Variants in LONRF2 observed in about 807,000 individuals in gnomAD.
LONRF2 encodes LON peptidase N-terminal domain and RING finger protein 2.
In LONRF2, 35 loss-of-function variants were observed where a neutral mutation model predicts 66.6. That is an observed-to-expected ratio of 0.53 (90% CI 0.40 to 0.70). The LOEUF is 0.70. LONRF2 is among the 30% of genes least tolerant of loss of function. The pLI, the probability that LONRF2 is intolerant of heterozygous loss-of-function variation, is 0.00. For synonymous variants in LONRF2, 417 were observed against 418.1 expected, an observed-to-expected ratio of 1.00 and a Z score of 0.03; for missense variants, 902 against 1,002.1, an observed-to-expected ratio of 0.90 and a Z score of 1.35.
At chr2:100,317,532 A>G (rs1004089377) in intron 1 of LONRF2, among the ~76,000 whole-genome samples, 10 of 152,148 alleles carry the variant, frequency 6.6e-5, no homozygotes, top group African/African-American at 2.4e-4. Context: ...ATTGTCTCAT[A>G]TTGTTACACC....
rs1373790603 is a variant in LONRF2, at chr2:100,279,050, C to G, written c.*5248G>C. ...CCCCCTATCAGTCAACTCCTCAACC[C>G]CTGGGGGAGGAGCACCCACCCCCGG... is the stretch of plus-strand genomic sequence containing the variant. On this transcript the variant is annotated 3_prime_UTR_variant, in exon 12 of 12. Coordinates refer to ENST00000393437, the MANE Select transcript of LONRF2 (RefSeq NM_198461.4). 1 of 152,058 alleles carries G rather than the reference C, an allele frequency of 6.6e-6. No homozygotes were observed. Among genetic ancestry groups the G allele is most frequent in the African/African-American group, 2.4e-5 (1 of 41,340 alleles). 9.4% of individuals were successfully genotyped at this position (152,058 alleles called of 1,614,324 possible).
At position 100,278,936 on chromosome 2, in the gene LONRF2, A is replaced by G. The variant is rs1195497780; in HGVS notation, c.*5362T>C. Reference sequence around the variant, plus strand: ...CCGAAACATGGCCCCCTACACTCCCATGTCTAAATGGAAACTCTGGTAGAA... The same window carrying G: ...CCGAAACATGGCCCCCTACACTCCCGTGTCTAAATGGAAACTCTGGTAGAA... On this transcript the variant is annotated 3_prime_UTR_variant, in exon 12 of 12. Coordinates refer to ENST00000393437, the MANE Select transcript of LONRF2 (RefSeq NM_198461.4). The G allele has an allele frequency of 6.6e-6, 1 of 152,022 alleles. No individual in the cohort carries two copies. The highest frequency in any genetic ancestry group is 6.5e-5 in the Admixed American group (1 of 15,274). The allele number at this position is 152,022 out of a possible 1,614,324, so 9.4% of individuals were successfully genotyped here.
At chr2:100,308,002 A>G (rs1327683699) in intron 2 of LONRF2, among the ~76,000 whole-genome samples, 1 of 152,202 alleles carries the variant, frequency 6.6e-6, no homozygotes, top group Non-Finnish European at 1.5e-5. Flanking sequence ...TCCAACAAAC[A>G]TCTGCTTCCA....
chr2:100,290,884 G>A (rs1033941145), intron 9 of LONRF2, among the ~76,000 whole-genome samples: 2 of 152,140 alleles, frequency 1.3e-5, no homozygotes, highest in Admixed American at 1.3e-4. Flanking sequence ...CACGTGCCAA[G>A]CAACACACGG....
intron 1 of LONRF2, among the ~76,000 whole-genome samples, chr2:100,318,510 A>T (rs1031774294): frequency 2.0e-5 from 3 of 152,278 alleles, no homozygotes; most frequent in Admixed American, 6.5e-5. Context: ...TGACTACCAC[A>T]CTTCGCTAAG....
chr2:100,302,086 A>G (rs1274232081), intron 3 of LONRF2, among the ~76,000 whole-genome samples: 1 of 152,228 alleles, frequency 6.6e-6, no homozygotes, highest in Non-Finnish European at 1.5e-5. Flanking sequence ...CCCTAATGTG[A>G]ACACAAGTGA....
chr2:100,294,441 G>T, intron 8 of LONRF2, 54 bp from the exon 9 acceptor site: 2 of 1,474,816 alleles, frequency 1.4e-6, no homozygotes, highest in Middle Eastern at 2.5e-4. Context: ...AGATCAGAGG[G>T]TGGTACTGGC....
chr2:100,300,820 AT>A, intron 3 of LONRF2, 33 bp from the exon 4 acceptor site: 1 of 1,499,006 alleles, frequency 6.7e-7, no homozygotes, highest in Non-Finnish European at 8.9e-7. Flanking sequence ...AAAAATATAT[AT>A]TTTAAAACAC....
chr2:100,321,901 C>G lies in LONRF2; in HGVS notation c.193G>C (p.Gly65Arg). 1 of 1,288,272 alleles carries G rather than the reference C, an allele frequency of 7.8e-7. No individual in the cohort carries two copies. The allele number at this position is 1,288,272 out of a possible 1,614,324, so 79.8% of individuals were successfully genotyped here. A position where few individuals can be genotyped will look rare whatever the true frequency, so the allele number is the denominator to read the frequency against. ...QPDRGLCLRL[G>R]DALARAGRLP... ...CGGCCGGCGCGGGCCAGCGCGTCCC[C>G]CAGCCTCAGGCACAGGCCGCGGTCC... The change falls in exon 1 of 12, where the codon GGG becomes CGG. Residue 65 changes from glycine to arginine, a missense_variant. Around this residue, in one of 2 missense-constraint regions of LONRF2, gnomAD observed 585 missense variants for 569.9 expected, o/e 1.03. Transcript: ENST00000393437.
At chr2:100,289,331 C>T (rs1674909676) in intron 10 of LONRF2, among the ~76,000 whole-genome samples, 1 of 151,574 alleles carries the variant, frequency 6.6e-6, no homozygotes, top group Non-Finnish European at 1.5e-5. Context: ...CGGCCCTTTA[C>T]AGAAAAAGTT....
chr2:100,303,189 C>T, intron 2 of LONRF2, 146 bp from the exon 3 acceptor site: 3 of 805,918 alleles, frequency 3.7e-6, no homozygotes, highest in Non-Finnish European at 5.5e-6. Flanking sequence ...AAGGATGACT[C>T]TATCGCTACT....
At chr2:100,311,290 T>G (rs1675402550) in intron 1 of LONRF2, among the ~76,000 whole-genome samples, 1 of 151,918 alleles carries the variant, frequency 6.6e-6, no homozygotes, top group South Asian at 2.1e-4. Flanking sequence ...CCAAAGGAGA[T>G]TTGGGGAAAA....
rs1402282944 is a variant in LONRF2, at chr2:100,273,060, C to T, written c.*11238G>A. Among the ~76,000 whole-genome samples the T allele has an allele frequency of 1.3e-5, 2 of 152,198 alleles. No individual in the cohort carries two copies. Among genetic ancestry groups the T allele is most frequent in the African/African-American group, 4.8e-5 (2 of 41,438 alleles). Reference sequence around the variant, plus strand: ...TTAGGGTGGAAGTTAAATCTAATGACTGGTGTCCTTATATAAGGAAAGGGA... The same window carrying T: ...TTAGGGTGGAAGTTAAATCTAATGATTGGTGTCCTTATATAAGGAAAGGGA... On this transcript the variant is annotated 3_prime_UTR_variant, in exon 12 of 12. Coordinates refer to ENST00000393437, the MANE Select transcript of LONRF2 (RefSeq NM_198461.4).
chr2:100,288,723 G>T (rs552721062), intron 10 of LONRF2, among the ~76,000 whole-genome samples: 4 of 152,228 alleles, frequency 2.6e-5, no homozygotes, highest in Admixed American at 1.3e-4. Context: ...AAGCCACGCG[G>T]TATGTGTTCG....
intron 1 of LONRF2, among the ~76,000 whole-genome samples, chr2:100,319,355 G>A (rs6725052): frequency 0.41 from 62,820 of 151,832 alleles, 14,482 homozygotes; most frequent in East Asian, 0.76. Flanking sequence ...TTTAAATTAG[G>A]TCTAATATAT....
intron 1 of LONRF2, among the ~76,000 whole-genome samples, chr2:100,313,804 T>C (rs188987777): frequency 2.6e-5 from 4 of 152,342 alleles, no homozygotes; most frequent in South Asian, 2.1e-4. Context: ...TACTTTATCC[T>C]GTTTTCTAAC....
Position 100,322,058 on chromosome 2 carries a change from G to C in LONRF2, c.36C>G (p.Pro12=), listed in dbSNP as rs1675648528. 1 of 1,308,958 alleles carries C rather than the reference G, an allele frequency of 7.6e-7. No individual in the cohort carries two copies. The highest frequency in any genetic ancestry group is 3.2e-5 in the East Asian group (1 of 31,716). The allele number at this position is 1,308,958 out of a possible 1,614,324, so 81.1% of individuals were successfully genotyped here. The change falls in exon 1 of 12, where the codon CCC becomes CCG. Residue 12 remains proline, a synonymous_variant. Transcript: ENST00000393437. ...CCGCGCGGTCGCAGCCAGGACACTG[G>C]GGCGGCGGCGGCGGCGGGACCGGCT... is the stretch of plus-strand genomic sequence containing the variant. ...SPEPVPPPPP[P]QCPGCDRAEP...
intron 3 of LONRF2, among the ~76,000 whole-genome samples, chr2:100,301,799 G>A (rs1163059301): frequency 6.6e-6 from 1 of 152,224 alleles, no homozygotes; most frequent in Non-Finnish European, 1.5e-5. Flanking sequence ...AAAGTGTTAT[G>A]AGAATCAGTT....
rs755194564 is a variant in LONRF2, at chr2:100,286,998, G to A, written c.1986C>T (p.Ser662=). The A allele has an allele frequency of 5.6e-6, 9 of 1,614,086 alleles. No individual in the cohort carries two copies. In the African/African-American group the frequency reaches 1.2e-4, roughly 22 times the overall value. The stretch of plus-strand genomic sequence containing the variant: ...TGCGATCCTGGAGAGACGCGAACCA[G>A]GAAACAGACTGTTGATGCACAGAAT... ...LHDSVHQQSV[S]WFASLQDRMK... Residue 662 remains serine, a synonymous_variant, in exon 11 of 12, where the codon TCC becomes TCT. Coordinates refer to ENST00000393437, the MANE Select transcript of LONRF2 (RefSeq NM_198461.4).
Sources: gnomAD v4.1 joint callset for allele counts (sites outside exome capture counted in the v4.1 genomes callset) on GRCh38, gnomAD v4.1.1 for gene constraint, gnomAD v4.1.1 regional missense constraint, MANE v1.5 for transcripts, NCBI Gene and HGNC (gene_info 2026-07-23, HGNC 2026-07-21) for gene names.